The following SLC44A1 variants were observed in gnomAD, a reference collection of about 807,000 sequenced individuals.
SLC44A1 encodes solute carrier family 44 member 1, also known as choline transporter-like protein 1.
In SLC44A1, 26 loss-of-function variants were observed where a neutral mutation model predicts 79.3. The observed-to-expected ratio is 0.33, with a 90% CI of 0.24 to 0.46. SLC44A1 has a LOEUF of 0.46. SLC44A1 is among the 20% of genes least tolerant of loss of function. The pLI, the probability that SLC44A1 is intolerant of heterozygous loss-of-function variation, is 1.00. For synonymous variants in SLC44A1, 263 were observed against 286.2 expected (o/e 0.92, Z 0.82); for missense variants, 688 against 798.1 (o/e 0.86, Z 1.66).
chr9:105,266,537 T>C (rs1045337272), intron 1 of SLC44A1, among the ~76,000 whole-genome samples: 1 of 152,218 alleles, frequency 6.6e-6, no homozygotes, highest in African/African-American at 2.4e-5. Context: ...TGAATATCCA[T>C]TTATTTCAGT....
intron 15 of SLC44A1, among the ~76,000 whole-genome samples, chr9:105,388,002 A>G (rs749691592): frequency 6.6e-6 from 1 of 152,156 alleles, no homozygotes; most frequent in Non-Finnish European, 1.5e-5. Context: ...CTTTCATTTT[A>G]TGCTGTTCAT....
intron 1 of SLC44A1, among the ~76,000 whole-genome samples, chr9:105,286,642 A>G (rs2131264402): frequency 6.6e-6 from 1 of 152,276 alleles, no homozygotes; most frequent in East Asian, 1.9e-4. Flanking sequence ...CCAACCCTCA[A>G]TTACGAACTC....
chr9:105,304,991 G>A (rs1338169329), intron 2 of SLC44A1, among the ~76,000 whole-genome samples: 2 of 81,522 alleles, frequency 2.5e-5, no homozygotes, highest in Non-Finnish European at 4.4e-5. Context: ...TTTTTTCAGA[G>A]TCAAGGTCTC....
Position 105,374,596 on chromosome 9 carries a change from A to G in SLC44A1, c.1495-2A>G. On this transcript the variant is annotated splice_acceptor_variant, in intron 12 of 15. Transcript: ENST00000374720. LOFTEE classifies it high-confidence loss of function. ...GAAAATGTTGTTTTTGCTTTTGTCC[A>G]GAATGCATACACAGCCACAGCTATC... is the stretch of plus-strand genomic sequence containing the variant. The G allele has an allele frequency of 6.2e-7, 1 of 1,606,782 alleles. No individual in the cohort carries two copies. The highest frequency in any genetic ancestry group is 8.5e-7 in the Non-Finnish European group (1 of 1,177,706).
chr9:105,285,099 T>G (rs2131261585), intron 1 of SLC44A1, among the ~76,000 whole-genome samples: 1 of 152,366 alleles, frequency 6.6e-6, no homozygotes, highest in Non-Finnish European at 1.5e-5. Flanking sequence ...TTCATTCCTT[T>G]TTATTGCAAA....
At chr9:105,321,872 A>G (rs1826404263) in intron 3 of SLC44A1, among the ~76,000 whole-genome samples, 1 of 152,106 alleles carries the variant, frequency 6.6e-6, no homozygotes, top group Non-Finnish European at 1.5e-5. Context: ...TTAATATAGT[A>G]AAGATGACAA....
chr9:105,356,579 C>CT (rs1251974552), intron 6 of SLC44A1, among the ~76,000 whole-genome samples, 198 bp downstream of exon 6: 4 of 152,094 alleles, frequency 2.6e-5, no homozygotes, highest in Non-Finnish European at 4.4e-5. Context: ...TCATTCCCTT[C>CT]TTTTTTTCTT....
intron 15 of SLC44A1, among the ~76,000 whole-genome samples, chr9:105,408,718 C>A (rs963691158): frequency 7.9e-5 from 12 of 152,136 alleles, no homozygotes; most frequent in African/African-American, 2.9e-4. Flanking sequence ...GCCTGTCACT[C>A]ACTTTTTTTC....
intron 2 of SLC44A1, chr9:105,300,037 C>A: frequency 1.5e-6 from 1 of 648,818 alleles, no homozygotes; most frequent in Middle Eastern, 7.8e-4. Context: ...GTGTGCTGGG[C>A]TGGAAAAAAC....
At chr9:105,418,330 A>G (rs1027216450) in intron 15 of SLC44A1, among the ~76,000 whole-genome samples, 11 of 151,452 alleles carry the variant, frequency 7.3e-5, no homozygotes, top group East Asian at 5.8e-4. Context: ...AAAAAAAAAA[A>G]AAAAAGAAAG....
At chr9:105,411,169 T>TA (rs1271097813) in intron 15 of SLC44A1, among the ~76,000 whole-genome samples, 1 of 152,172 alleles carries the variant, frequency 6.6e-6, no homozygotes, top group Non-Finnish European at 1.5e-5. Context: ...TTAAAATGGT[T>TA]AAAATGGTAA....
intron 3 of SLC44A1, among the ~76,000 whole-genome samples, chr9:105,329,964 T>G (rs923421955): frequency 1.3e-5 from 2 of 152,134 alleles, no homozygotes; most frequent in African/African-American, 4.8e-5. Context: ...TATCACATGG[T>G]TTTTAAATGA....
At chr9:105,251,584 T>C (rs530377245) in intron 1 of SLC44A1, among the ~76,000 whole-genome samples, 34 of 152,358 alleles carry the variant, frequency 2.2e-4, no homozygotes, top group African/African-American at 7.7e-4. Flanking sequence ...AACAAGACCC[T>C]GTGTGTGGCT....
intron 1 of SLC44A1, 81 bp from the exon 2 acceptor site, chr9:105,299,139 G>C (rs1830807463): frequency 1.1e-6 from 1 of 949,004 alleles, no homozygotes; most frequent in South Asian, 1.5e-5. Context: ...AAGGGCTCTA[G>C]CTATAGCTGG....
chr9:105,248,387 A>C (rs1315289530), intron 1 of SLC44A1, among the ~76,000 whole-genome samples: 1 of 152,196 alleles, frequency 6.6e-6, no homozygotes, highest in African/African-American at 2.4e-5. Context: ...ATTTTCCATC[A>C]AAATAATTAT....
intron 1 of SLC44A1, among the ~76,000 whole-genome samples, chr9:105,275,427 C>T (rs1830176394): frequency 6.6e-6 from 1 of 152,164 alleles, no homozygotes; most frequent in Non-Finnish European, 1.5e-5. Flanking sequence ...ATTTTGCTTT[C>T]AGCTCTTGAA....
chr9:105,335,864 C>T (rs6479309), intron 4 of SLC44A1, among the ~76,000 whole-genome samples, 165 bp downstream of exon 4: 15,184 of 152,218 alleles, frequency 0.1, 1,920 homozygotes, highest in African/African-American at 0.3. Flanking sequence ...GCTTGTTAAA[C>T]TCCAGATTCC....
At position 105,394,889 on chromosome 9, in the gene SLC44A1, A is replaced by G; in HGVS notation, c.*5833A>G. The stretch of plus-strand genomic sequence containing the variant: ...AGCAGCTTCAGATTCCTCTGCCAAT[A>G]GAACTCCACCCCCAGTCCCTTACCT... On this transcript the variant is annotated 3_prime_UTR_variant, in exon 16 of 16. Coordinates refer to ENST00000374720, the MANE Select transcript of SLC44A1 (RefSeq NM_080546.5). 1 of 985,494 alleles carries G rather than the reference A, an allele frequency of 1.0e-6. No individual in the cohort carries two copies. The highest frequency in any genetic ancestry group is 1.1e-4 in the East Asian group (1 of 8,804). The allele number at this position is 985,494 out of a possible 1,614,324, so 61.0% of individuals were successfully genotyped here.
chr9:105,408,806 A>T (rs1001537332), intron 15 of SLC44A1, among the ~76,000 whole-genome samples: 16 of 152,212 alleles, frequency 1.1e-4, no homozygotes, highest in Non-Finnish European at 2.9e-5. Context: ...TAAAGATATA[A>T]TGTATGACAA....
Sources: gnomAD v4.1 joint callset for allele counts (sites outside exome capture counted in the v4.1 genomes callset) on GRCh38, gnomAD v4.1.1 for gene constraint, MANE v1.5 for transcripts, NCBI Gene and HGNC (gene_info 2026-07-23, HGNC 2026-07-21) for gene names.